MAGEB18: variants seen among roughly 807,000 people sequenced by gnomAD.
MAGEB18 encodes the protein MAGE family member B18.
In MAGEB18, 6 loss-of-function variants were observed where a neutral mutation model predicts 6.3. The observed-to-expected ratio is 0.95, with a 90% CI of 0.52 to 1.87. The LOEUF is 1.87. Ranked by LOEUF, MAGEB18 falls within the 40% of genes most tolerant of loss-of-function variation. The probability of loss-of-function intolerance (pLI) is 0.01; values close to 1 mark genes in which losing one functional copy is unlikely to be tolerated. For missense variants in MAGEB18, 228 were observed against 265.4 expected, an observed-to-expected ratio of 0.86 and a Z score of 0.98; for synonymous variants, 93 against 97.0, an observed-to-expected ratio of 0.96 and a Z score of 0.24.
rs112535170 is a variant in MAGEB18 at position 26,140,342 on chromosome X, CT to C, written c.*209del. The C allele has an allele frequency of 7.0e-3, 1,164 of 165,107 alleles. No homozygotes were observed. Among genetic ancestry groups the C allele is most frequent in the Middle Eastern group, 0.015 (7 of 465 alleles). The allele number at this position is 165,107 out of a possible 1,213,427, so 13.6% of individuals were successfully genotyped here. A position where few individuals can be genotyped will look rare whatever the true frequency, so the allele number is the denominator to read the frequency against. On this transcript the variant is annotated 3_prime_UTR_variant, in exon 3 of 3. Coordinates refer to ENST00000325250, the MANE Select transcript of MAGEB18 (RefSeq NM_173699.4). ...AACTCGGAGTTGTATCTTTTTCTTT[CT>C]TTTTTTTTTGGTGTTATATTTCAAA...
Position 26,139,672 on chromosome X carries a change from T to G in MAGEB18, c.687T>G (p.Tyr229Ter), listed in dbSNP as rs1199626860. Residue 229 changes from tyrosine (Y) to a stop codon, truncating the protein, a stop_gained, in exon 2 of 3, where the codon TAT becomes TAG. Coordinates refer to ENST00000325250, the MANE Select transcript of MAGEB18 (RefSeq NM_173699.4). LOFTEE classifies it low-confidence loss of function (END_TRUNC). ...AAATTATGAATATGATGGGTGTATA[T>G]GCCGATAGGAAGCACTTCCTCTATG... ...VWEIMNMMGV[Y>*]ADRKHFLYGD... The G allele has an allele frequency of 8.3e-7, 1 of 1,209,939 alleles. No individual in the cohort carries two copies. Among genetic ancestry groups the G allele is most frequent in the Non-Finnish European group, 1.1e-6 (1 of 894,479 alleles).
chrX:26,139,764 C>T lies in MAGEB18; in HGVS notation c.779C>T (p.Pro260Leu), dbSNP rs1384399310. The T allele has an allele frequency of 4.1e-6, 5 of 1,209,901 alleles. No individual in the cohort carries two copies. Among genetic ancestry groups the T allele is most frequent in the Non-Finnish European group, 5.6e-6 (5 of 895,192 alleles). ...QLKYLEYQQV[P>L]NSDPPRYEFL... Reference sequence around the variant, plus strand: ...AAGTACCTGGAGTACCAGCAAGTGCCCAACAGTGATCCTCCACGCTATGAA... The same window carrying T: ...AAGTACCTGGAGTACCAGCAAGTGCTCAACAGTGATCCTCCACGCTATGAA... The change falls in exon 2 of 3, where the codon CCC (proline) becomes CTC (leucine). Residue 260 changes from proline (P) to leucine (L), a missense_variant. Coordinates refer to ENST00000325250, the MANE Select transcript of MAGEB18 (RefSeq NM_173699.4).
rs370197441 is a variant in MAGEB18, at chrX:26,140,023, G to A, written c.*6G>A. 1.2e-5 allele frequency: 14 copies of A among 1,165,609 alleles called. No individual in the cohort carries two copies. In the African/African-American group the frequency reaches 2.3e-4, roughly 19 times the overall value. ...GCTTCTCCCATGCTAAGTGAAATCT[G>A]AGGCTTGTTCTTCACTTTTTGGTCG... is the stretch of plus-strand genomic sequence containing the variant. On this transcript the variant is annotated 3_prime_UTR_variant, in exon 2 of 3. Transcript: ENST00000325250.
chrX:26,138,679 C>T (rs758741069), intron 1 of MAGEB18, among the ~76,000 whole-genome samples: 1 of 111,548 alleles, frequency 9.0e-6, no homozygotes, highest in Non-Finnish European at 1.9e-5. Context: ...AGTCAACAGA[C>T]GGAGGACTCA....
rs1928432697 is a variant in MAGEB18 at position 26,139,782 on chromosome X, G to A, written c.797G>A (p.Arg266His). The A allele has an allele frequency of 3.3e-6, 4 of 1,211,709 alleles. No homozygotes were observed. Among genetic ancestry groups the A allele is most frequent in the Non-Finnish European group, 4.5e-6 (4 of 895,405 alleles). ...CAAGTGCCCAACAGTGATCCTCCAC[G>A]CTATGAATTCCTGTGGGGTCCAAGA... ...YQQVPNSDPP[R>H]YEFLWGPRAH... Residue 266 changes from arginine (R) to histidine (H), a missense_variant, in exon 2 of 3, where the codon CGC becomes CAC. Transcript: ENST00000325250.
Position 26,139,773 on chromosome X carries a change from A to G in MAGEB18, c.788A>G (p.Asp263Gly). 1 of 1,211,817 alleles carries G rather than the reference A, an allele frequency of 8.3e-7. No individual in the cohort carries two copies. The highest frequency in any genetic ancestry group is 1.1e-6 in the Non-Finnish European group (1 of 895,462). The change falls in exon 2 of 3, where the codon GAT becomes GGT. Residue 263 changes from aspartate (D) to glycine (G), a missense_variant. Transcript: ENST00000325250. Reference sequence around the variant, plus strand: ...GAGTACCAGCAAGTGCCCAACAGTGATCCTCCACGCTATGAATTCCTGTGG... The same window carrying G: ...GAGTACCAGCAAGTGCCCAACAGTGGTCCTCCACGCTATGAATTCCTGTGG... ...YLEYQQVPNS[D>G]PPRYEFLWGP...
chrX:26,139,515 T>G lies in MAGEB18; in HGVS notation c.530T>G (p.Phe177Cys), dbSNP rs761497015. The G allele has an allele frequency of 8.3e-7, 1 of 1,206,360 alleles. No individual in the cohort carries two copies. Among genetic ancestry groups the G allele is most frequent in the African/African-American group, 1.8e-5 (1 of 56,997 alleles). The change falls in exon 2 of 3, where the codon TTC becomes TGC. Residue 177 changes from phenylalanine to cysteine, a missense_variant. Transcript: ENST00000325250. ...CCCATCAGGCACTACTATGCCTTTTTCAGCAAATTAGACCTCACCTATGAT... is the reference window on the plus strand; with the variant it reads ...CCCATCAGGCACTACTATGCCTTTTGCAGCAAATTAGACCTCACCTATGAT... Reference protein sequence around the residue: ...VDPIRHYYAFFSKLDLTYDET... With the variant: ...VDPIRHYYAFCSKLDLTYDET...
Position 26,139,304 on chromosome X carries a change from T to C in MAGEB18, c.319T>C (p.Leu107=). The change falls in exon 2 of 3, where the codon TTA becomes CTA. Residue 107 remains leucine, a synonymous_variant. Transcript: ENST00000325250. ...REAEGWKEDP[L]NKKVVSLVHF... is the part of the protein sequence containing the mutation. Reference sequence around the variant, plus strand: ...AGCTGAGGGCTGGAAAGAAGATCCTTTAAACAAGAAAGTAGTGTCGCTGGT... The same window carrying C: ...AGCTGAGGGCTGGAAAGAAGATCCTCTAAACAAGAAAGTAGTGTCGCTGGT... 8.3e-7 allele frequency: 1 copy of C among 1,209,976 alleles called. No homozygotes were observed.
In MAGEB18 at chrX:26,138,799, C is replaced by T. The variant is rs1345809713; in HGVS notation, c.-62-125C>T. On this transcript the variant is annotated intron_variant, in intron 1 of 2. Transcript: ENST00000325250. ...CAACCCCCCACAGAACAGTCCCACC[C>T]CGCTCCTGCCTTATGGGTTCCTAAA... 2.3e-5 allele frequency: 10 copies of T among 427,830 alleles called. No homozygotes were observed. The East Asian group carries it at 3.8e-4, about 16-fold the overall frequency. The allele number at this position is 427,830 out of a possible 1,213,427, so 35.3% of individuals were successfully genotyped here.
chrX:26,138,713 C>T (rs1928409177), intron 1 of MAGEB18, among the ~76,000 whole-genome samples: 1 of 111,594 alleles, frequency 9.0e-6, no homozygotes, highest in African/African-American at 3.3e-5. Context: ...AAATTAATAT[C>T]CTAAGTTAGA....
In MAGEB18 at chrX:26,140,311, T is replaced by C; in HGVS notation, c.*168T>C. 4.0e-6 allele frequency: 1 copy of C among 248,806 alleles called. No individual in the cohort carries two copies. The highest frequency in any genetic ancestry group is 7.1e-6 in the Non-Finnish European group (1 of 140,096). 20.5% of individuals were successfully genotyped at this position (248,806 alleles called of 1,213,427 possible). On this transcript the variant is annotated 3_prime_UTR_variant, in exon 3 of 3. Transcript: ENST00000325250. ...CATATATCATTTTGTGTTAATAGTCTATAGTAACTCGGAGTTGTATCTTTT... is the reference window on the plus strand; with the variant it reads ...CATATATCATTTTGTGTTAATAGTCCATAGTAACTCGGAGTTGTATCTTTT...
rs767248307 is a variant in MAGEB18, at chrX:26,139,757, C to A, written c.772C>A (p.Gln258Lys). ...GCAGCTAAAGTACCTGGAGTACCAG[C>A]AAGTGCCCAACAGTGATCCTCCACG... is the stretch of plus-strand genomic sequence containing the variant. ...LVQLKYLEYQ[Q>K]VPNSDPPRYE... The change falls in exon 2 of 3, where the codon CAA (glutamine) becomes AAA (lysine). Residue 258 changes from glutamine to lysine, a missense_variant. Coordinates refer to ENST00000325250, the MANE Select transcript of MAGEB18 (RefSeq NM_173699.4). The A allele has an allele frequency of 2.5e-6, 3 of 1,210,058 alleles. No homozygotes were observed. The South Asian group carries it at 5.3e-5, about 21-fold the overall frequency.
In MAGEB18 at chrX:26,140,048, G is replaced by A. The variant is rs368534301; in HGVS notation, c.*31G>A. The A allele has an allele frequency of 8.9e-6, 10 of 1,118,994 alleles. No homozygotes were observed. The highest frequency in any genetic ancestry group is 6.3e-5 in the East Asian group (2 of 31,762). 92.2% of individuals were successfully genotyped at this position (1,118,994 alleles called of 1,213,427 possible). A position where few individuals can be genotyped will look rare whatever the true frequency, so the allele number is the denominator to read the frequency against. On this transcript the variant is annotated 3_prime_UTR_variant, in exon 2 of 3. Coordinates refer to ENST00000325250, the MANE Select transcript of MAGEB18 (RefSeq NM_173699.4). ...GAGGCTTGTTCTTCACTTTTTGGTC[G>A]AAAAGGTCTGTCAACATTCTAATAG...
chrX:26,139,243 C>T lies in MAGEB18; in HGVS notation c.258C>T (p.Ser86=), dbSNP rs192372049. 8.3e-7 allele frequency: 1 copy of T among 1,209,604 alleles called. No homozygotes were observed. The highest frequency in any genetic ancestry group is 2.2e-5 in the Admixed American group (1 of 45,721). Residue 86 remains serine, a synonymous_variant, in exon 2 of 3, where the codon AGC becomes AGT. Coordinates refer to ENST00000325250, the MANE Select transcript of MAGEB18 (RefSeq NM_173699.4). The part of the protein sequence containing the change: ...PVSCSSNEGA[S]SQDEKSLGSS... ...CATGCAGTTCAAATGAAGGTGCCAG[C>T]AGCCAAGATGAGAAAAGTCTAGGTT...
Position 26,139,395 on chromosome X carries a change from T to A in MAGEB18, c.410T>A (p.Val137Asp). 8.4e-7 allele frequency: 1 copy of A among 1,193,510 alleles called. No homozygotes were observed. Among genetic ancestry groups the A allele is most frequent in the Non-Finnish European group, 1.1e-6 (1 of 885,823 alleles). Residue 137 changes from valine (V) to aspartate (D), a missense_variant, in exon 2 of 3, where the codon GTT (valine) becomes GAT (aspartate). Val to Asp is a radical substitution (Grantham distance 152). Transcript: ENST00000325250. ...PITKGDMIKF[V>D]IRKDKCHFNE... is the part of the protein sequence containing the mutation. Reference sequence around the variant, plus strand: ...ACAAAGGGAGATATGATAAAGTTTGTTATCAGGAAGGATAAGTGTCACTTC... The same window carrying A: ...ACAAAGGGAGATATGATAAAGTTTGATATCAGGAAGGATAAGTGTCACTTC...
chrX:26,139,229 A>G lies in MAGEB18; in HGVS notation c.244A>G (p.Asn82Asp). ...NAIAPVSCSS[N>D]EGASSQDEKS... ...TATTGCACCTGTTTCATGCAGTTCA[A>G]ATGAAGGTGCCAGCAGCCAAGATGA... is the stretch of plus-strand genomic sequence containing the variant. Residue 82 changes from asparagine (N) to aspartate (D), a missense_variant, in exon 2 of 3, where the codon AAT becomes GAT. Coordinates refer to ENST00000325250, the MANE Select transcript of MAGEB18 (RefSeq NM_173699.4). 1 of 1,211,397 alleles carries G rather than the reference A, an allele frequency of 8.3e-7. No individual in the cohort carries two copies. The highest frequency in any genetic ancestry group is 1.8e-5 in the South Asian group (1 of 56,916).
chrX:26,139,232 G>T lies in MAGEB18; in HGVS notation c.247G>T (p.Glu83Ter), dbSNP rs369144877. The T allele has an allele frequency of 4.1e-6, 5 of 1,209,716 alleles. No homozygotes were observed. The highest frequency in any genetic ancestry group is 1.8e-5 in the African/African-American group (1 of 57,103). Residue 83 changes from glutamate to a stop codon, truncating the protein, a stop_gained, in exon 2 of 3, where the codon GAA (glutamate) becomes TAA (stop). Transcript: ENST00000325250. LOFTEE classifies it high-confidence loss of function. ...AIAPVSCSSN[E>*]GASSQDEKSL... ...TGCACCTGTTTCATGCAGTTCAAAT[G>T]AAGGTGCCAGCAGCCAAGATGAGAA...
In MAGEB18 at chrX:26,139,255, G is replaced by A; in HGVS notation, c.270G>A (p.Glu90=). ...SSNEGASSQD[E]KSLGSSREAE... The stretch of plus-strand genomic sequence containing the variant: ...ATGAAGGTGCCAGCAGCCAAGATGA[G>A]AAAAGTCTAGGTTCCTCAAGGGAAG... Residue 90 remains glutamate (E), a synonymous_variant, in exon 2 of 3, where the codon GAG becomes GAA. Coordinates refer to ENST00000325250, the MANE Select transcript of MAGEB18 (RefSeq NM_173699.4). 1 of 1,211,650 alleles carries A rather than the reference G, an allele frequency of 8.3e-7. No homozygotes were observed. Among genetic ancestry groups the A allele is most frequent in the Non-Finnish European group, 1.1e-6 (1 of 895,491 alleles).
rs1928437289 is a variant in MAGEB18, at chrX:26,139,994, A to G, written c.1009A>G (p.Ser337Gly). The G allele has an allele frequency of 1.7e-6, 2 of 1,189,851 alleles. No individual in the cohort carries two copies. The highest frequency in any genetic ancestry group is 3.5e-5 in the African/African-American group (2 of 56,744). Residue 337 changes from serine to glycine, a missense_variant, in exon 2 of 3, where the codon AGC becomes GGC. Physicochemically the swap from Ser to Gly is moderately conservative, Grantham distance 56 (BLOSUM62 0). Transcript: ENST00000325250. ...AAATGCACGTTCCAGAACCACGTCT[A>G]GCAGCTTCTCCCATGCTAAGTGAAA... ...MANARSRTTSSSFSHAK is the reference protein window; with the variant it reads ...MANARSRTTSGSFSHAK
Sources: gnomAD v4.1 joint callset for allele counts (sites outside exome capture counted in the v4.1 genomes callset) on GRCh38, gnomAD v4.1.1 for gene constraint, MANE v1.5 for transcripts, NCBI Gene and HGNC (gene_info 2026-07-23, HGNC 2026-07-21) for gene names.